Variants in PACRG observed in about 807,000 individuals in gnomAD.
PACRG encodes parkin coregulated, also known as parkin coregulated gene protein.
PACRG carries 29 observed loss-of-function variants against 29.7 expected under a neutral mutation model. The observed-to-expected ratio is 0.98, with a 90% confidence interval of 0.73 to 1.33. The LOEUF (loss-of-function observed/expected upper bound fraction) is 1.33. PACRG is among the 40% of genes most tolerant of loss of function. PACRG has a pLI of 0.00. For synonymous variants in PACRG, 116 were observed against 118.7 expected (o/e 0.98, Z 0.15); for missense variants, 279 against 316.2 (o/e 0.88, Z 0.89).
At chr6:162,916,839 A>G (rs770765555) in intron 2 of PACRG, among the ~76,000 whole-genome samples, 8 of 152,038 alleles carry the variant, frequency 5.3e-5, no homozygotes, top group Admixed American at 1.3e-4. Flanking sequence ...GCAATGATGA[A>G]TGGAGCTGGC....
intron 4 of PACRG, among the ~76,000 whole-genome samples, chr6:163,131,759 G>A (rs953793374): frequency 6.6e-6 from 1 of 152,078 alleles, no homozygotes; most frequent in Non-Finnish European, 1.5e-5. Flanking sequence ...AGACGTGAGC[G>A]TGCTATTAGA....
At chr6:162,962,989 G>A (rs1800753913) in intron 2 of PACRG, among the ~76,000 whole-genome samples, 2 of 151,948 alleles carry the variant, frequency 1.3e-5, no homozygotes, top group African/African-American at 2.4e-5. Context: ...TCACTTTGAG[G>A]GACCACATTC....
At chr6:162,747,005 A>G (rs1287594926) in intron 1 of PACRG, among the ~76,000 whole-genome samples, 4 of 152,014 alleles carry the variant, frequency 2.6e-5, no homozygotes, top group African/African-American at 9.7e-5. Context: ...GAAACCAGAA[A>G]TGTTGGGAGG....
At chr6:163,000,579 G>T (rs999369047) in intron 2 of PACRG, among the ~76,000 whole-genome samples, 17 of 152,170 alleles carry the variant, frequency 1.1e-4, no homozygotes, top group African/African-American at 3.6e-4. Flanking sequence ...TTCTCTCCCT[G>T]TGTGGCCTTG....
intron 4 of PACRG, among the ~76,000 whole-genome samples, chr6:163,224,923 G>C (rs1781729050): frequency 6.6e-6 from 1 of 152,126 alleles, no homozygotes; most frequent in Non-Finnish European, 1.5e-5. Flanking sequence ...CTACGGAATG[G>C]AAGAAAATAT....
chr6:163,049,226 A>C (rs938252161), intron 2 of PACRG, among the ~76,000 whole-genome samples: 3 of 152,104 alleles, frequency 2.0e-5, no homozygotes, highest in African/African-American at 7.2e-5. Flanking sequence ...ATTTATAATA[A>C]GGTTAAATCT....
intron 4 of PACRG, among the ~76,000 whole-genome samples, chr6:163,131,526 G>A (rs932334349): frequency 3.9e-5 from 6 of 152,126 alleles, no homozygotes; most frequent in Non-Finnish European, 5.9e-5. Flanking sequence ...TCTTAAAGCC[G>A]TCAGAAAGGG....
chr6:163,030,944 T>G, intron 2 of PACRG, among the ~76,000 whole-genome samples: 1 of 152,290 alleles, frequency 6.6e-6, no homozygotes, highest in South Asian at 2.1e-4. Context: ...ACCTCCTATC[T>G]CATCCTGTGA....
At chr6:162,857,122 A>C (rs548157951) in intron 2 of PACRG, among the ~76,000 whole-genome samples, 24 of 152,296 alleles carry the variant, frequency 1.6e-4, no homozygotes, top group African/African-American at 3.9e-4. Context: ...GAGAAAGAAG[A>C]AAGCAAGCAA....
At chr6:162,997,612 C>A in intron 2 of PACRG, 1 of 283,586 alleles carries the variant, frequency 3.5e-6, no homozygotes, top group East Asian at 1.2e-4. Flanking sequence ...TTGAAAGCAA[C>A]GCAGTGGTAA....
intron 3 of PACRG, among the ~76,000 whole-genome samples, chr6:163,076,768 CA>C (rs1423707743): frequency 2.6e-5 from 4 of 152,132 alleles, no homozygotes; most frequent in African/African-American, 9.7e-5. Flanking sequence ...AAGTGACCTT[CA>C]AAGCCCAGCT....
intron 4 of PACRG, among the ~76,000 whole-genome samples, chr6:163,247,765 T>C (rs1397156944): frequency 6.6e-6 from 1 of 152,170 alleles, no homozygotes; most frequent in Non-Finnish European, 1.5e-5. Context: ...CTTCACCGTC[T>C]ACCTGCCACT....
intron 2 of PACRG, among the ~76,000 whole-genome samples, chr6:162,909,007 A>G (rs890648009): frequency 6.6e-6 from 1 of 152,210 alleles, no homozygotes; most frequent in South Asian, 2.1e-4. Context: ...TTCTCTCAAG[A>G]GGGCAAGATG....
intron 2 of PACRG, among the ~76,000 whole-genome samples, chr6:163,047,986 T>C (rs950404019): frequency 6.6e-5 from 10 of 152,350 alleles, no homozygotes; most frequent in Admixed American, 2.0e-4. Context: ...TAAAAAATAT[T>C]TTCAAAGTTG....
At chr6:163,167,084 TA>T (rs543411873) in intron 4 of PACRG, among the ~76,000 whole-genome samples, 2 of 152,356 alleles carry the variant, frequency 1.3e-5, no homozygotes, top group South Asian at 2.1e-4. Context: ...TTGGGTCTGT[TA>T]ATCTCTATTG....
At position 163,296,399 on chromosome 6, in the gene PACRG, A is replaced by G. The variant is rs371949284; in HGVS notation, c.614-18428A>G. Among the ~76,000 whole-genome samples, 31 of 152,188 alleles carry G rather than the reference A, an allele frequency of 2.0e-4. No individual in the cohort carries two copies. In the East Asian group the frequency reaches 5.2e-3, roughly 26 times the overall value. ...CAAACTCCACCTCCCGAGTTCAAGCAGTTCTCTGCCTCAGCCTCCCGAGTA... is the reference window on the plus strand; with the variant it reads ...CAAACTCCACCTCCCGAGTTCAAGCGGTTCTCTGCCTCAGCCTCCCGAGTA... On this transcript the variant is annotated intron_variant, in intron 4 of 4. Coordinates refer to ENST00000366888, the MANE Select transcript of PACRG (RefSeq NM_001080379.2).
At chr6:162,857,072 A>G (rs74988577) in intron 2 of PACRG, among the ~76,000 whole-genome samples, 3,001 of 152,250 alleles carry the variant, frequency 0.02, 92 homozygotes, top group African/African-American at 0.069. Context: ...GCCTTTTTCT[A>G]TAATGTCTGA....
chr6:162,914,284 T>C (rs1796528492), intron 2 of PACRG, among the ~76,000 whole-genome samples: 1 of 152,100 alleles, frequency 6.6e-6, no homozygotes, highest in African/African-American at 2.4e-5. Context: ...TATAAGTTGA[T>C]TCAGTATCAT....
intron 2 of PACRG, among the ~76,000 whole-genome samples, chr6:162,852,922 G>A (rs1256025182): frequency 6.6e-6 from 1 of 152,152 alleles, no homozygotes; most frequent in Admixed American, 6.5e-5. Context: ...ACTAGAAACT[G>A]CCTGACTTAC....
Sources: gnomAD v4.1 joint callset for allele counts (sites outside exome capture counted in the v4.1 genomes callset) on GRCh38, gnomAD v4.1.1 for gene constraint, MANE v1.5 for transcripts, NCBI Gene and HGNC (gene_info 2026-07-23, HGNC 2026-07-21) for gene names.